NLK: variants seen among roughly 807,000 people sequenced by gnomAD.
The protein encoded by NLK is serine/threonine-protein kinase NLK.
NLK carries 11 observed loss-of-function variants against 59.0 expected under a neutral mutation model. The ratio of observed to expected loss-of-function variants is 0.19; its 90% CI spans 0.12 to 0.31. The LOEUF is 0.31. Ranked by LOEUF, NLK falls within the 10% of genes least tolerant of loss-of-function variation. The probability of loss-of-function intolerance (pLI) is 1.00; values close to 1 mark genes in which losing one functional copy is unlikely to be tolerated. For missense variants in NLK, 410 were observed against 661.1 expected (o/e 0.62, Z 4.16); for synonymous variants, 235 against 235.9 (o/e 1.00, Z 0.03).
At chr17:28,154,573 T>C (rs1415606711) in intron 3 of NLK, among the ~76,000 whole-genome samples, 1 of 152,156 alleles carries the variant, frequency 6.6e-6, no homozygotes, top group African/African-American at 2.4e-5. Flanking sequence ...TCCTGACATA[T>C]TATGTAAAAT....
At chr17:28,097,661 A>T (rs1256388245) in intron 1 of NLK, among the ~76,000 whole-genome samples, 2 of 152,120 alleles carry the variant, frequency 1.3e-5, no homozygotes, top group African/African-American at 4.8e-5. Context: ...GTTTGAAATT[A>T]CCTATAGTTG....
At chr17:28,146,360 C>T (rs1597708796) in intron 3 of NLK, among the ~76,000 whole-genome samples, 2 of 148,724 alleles carry the variant, frequency 1.3e-5, no homozygotes, top group South Asian at 4.4e-4. Context: ...ACTCATTTCC[C>T]CTCCTCCCTC....
rs558682003 is a variant in NLK at position 28,047,414 on chromosome 17, C to G, written c.458+4083C>G. On this transcript the variant is annotated intron_variant, in intron 1 of 10. Transcript: ENST00000407008. ...AATTTAAAGCCAAGGGGAAAATACT[C>G]TGTGCTGTCCTGTCAACTAATTAAA... 3.3e-5 allele frequency among the ~76,000 whole-genome samples: 5 copies of G among 152,318 alleles called. No homozygotes were observed. The East Asian group carries it at 9.6e-4, about 29-fold the overall frequency.
chr17:28,072,018 A>G (rs942137211), intron 1 of NLK, among the ~76,000 whole-genome samples: 1 of 152,038 alleles, frequency 6.6e-6, no homozygotes, highest in African/African-American at 2.4e-5. Flanking sequence ...CAACTAACCA[A>G]CCAACCACCC....
intron 1 of NLK, among the ~76,000 whole-genome samples, chr17:28,088,034 A>C (rs1444187838): frequency 2.0e-5 from 3 of 152,190 alleles, no homozygotes; most frequent in African/African-American, 7.2e-5. Context: ...TTGGAATTTA[A>C]TTTTGAGGAA....
chr17:28,113,104 G>A lies in NLK; in HGVS notation c.459-9499G>A, dbSNP rs898838431. Reference sequence around the variant, plus strand: ...AGGTTTAAGCTAAAATTTTTTGTGTGCTAGAAAATTAAGCTGGGCAGTTTG... The same window carrying A: ...AGGTTTAAGCTAAAATTTTTTGTGTACTAGAAAATTAAGCTGGGCAGTTTG... On this transcript the variant is annotated intron_variant, in intron 1 of 10. Transcript: ENST00000407008. Among the ~76,000 whole-genome samples, 27 of 152,134 alleles carry A rather than the reference G, an allele frequency of 1.8e-4. 1 individual carries two copies.
intron 7 of NLK, among the ~76,000 whole-genome samples, chr17:28,182,284 T>TTGG (rs1258533588): frequency 6.6e-6 from 1 of 152,174 alleles, no homozygotes; most frequent in Non-Finnish European, 1.5e-5. Context: ...TGTTGTTTGT[T>TTGG]TGGTTTTTTT....
At chr17:28,165,668 G>A (rs1908194435) in intron 5 of NLK, among the ~76,000 whole-genome samples, 2 of 152,054 alleles carry the variant, frequency 1.3e-5, no homozygotes, top group Admixed American at 6.6e-5. Context: ...AATTTTTTTA[G>A]TTATCTGATC....
intron 1 of NLK, among the ~76,000 whole-genome samples, chr17:28,079,825 C>G (rs1389162869): frequency 6.6e-6 from 1 of 152,128 alleles, no homozygotes; most frequent in Admixed American, 6.6e-5. Context: ...GTTTTTGAGT[C>G]CTGTTCATCT....
intron 3 of NLK, 94 bp from the exon 4 acceptor site, chr17:28,161,066 C>T: frequency 1.5e-6 from 1 of 686,626 alleles, no homozygotes; most frequent in South Asian, 1.7e-5. Flanking sequence ...ACTTTTCCAG[C>T]CTTGAGAATG....
rs1304674206 is a variant in NLK at position 28,111,877 on chromosome 17, TGTGTGTGTGTGTGTGTGTG to T, written c.459-10706_459-10688del. On this transcript the variant is annotated intron_variant, in intron 1 of 10. Transcript: ENST00000407008. ...GGCTTATACCGTGTGTGTGTGTGTG[TGTGTGTGTGTGTGTGTGTG>T]GTGTGTGTGTGTGTGTGTGTGTGTG... 7.2e-5 allele frequency among the ~76,000 whole-genome samples: 9 copies of T among 125,600 alleles called. No individual in the cohort carries two copies. The East Asian group carries it at 7.3e-4, about 10-fold the overall frequency. The allele number at this position is 125,600 out of a possible 152,430, so 82.4% of individuals were successfully genotyped here. A position where few individuals can be genotyped will look rare whatever the true frequency, so the allele number is the denominator to read the frequency against.
intron 1 of NLK, among the ~76,000 whole-genome samples, chr17:28,097,110 T>C (rs971099429): frequency 2.6e-5 from 4 of 152,212 alleles, no homozygotes; most frequent in African/African-American, 9.6e-5. Context: ...TGCTTATATT[T>C]CAGTTTTGTT....
chr17:28,048,520 G>A (rs373146264), intron 1 of NLK: 1 of 152,080 alleles, frequency 6.6e-6, no homozygotes, highest in East Asian at 1.9e-4. Flanking sequence ...AGAAATGGGG[G>A]CAGATATAGC....
At chr17:28,111,903 GTGTGTGT>G (rs1905529978) in intron 1 of NLK, among the ~76,000 whole-genome samples, 1 of 89,338 alleles carries the variant, frequency 1.1e-5, no homozygotes, top group African/African-American at 4.4e-5. Flanking sequence ...TGTGGTGTGT[GTGTGTGT>G]GTGTGTGTGT....
chr17:28,088,898 A>C (rs867824203), intron 1 of NLK, among the ~76,000 whole-genome samples: 5 of 152,302 alleles, frequency 3.3e-5, no homozygotes, highest in Middle Eastern at 3.4e-3. Flanking sequence ...TCATACTGAT[A>C]CTTCAAATTC....
At chr17:28,049,392 T>G (rs1909169752) in intron 1 of NLK, among the ~76,000 whole-genome samples, 1 of 152,238 alleles carries the variant, frequency 6.6e-6, no homozygotes, top group Non-Finnish European at 1.5e-5. Flanking sequence ...CCTTTGGAAC[T>G]CACTAGTCTA....
At chr17:28,154,380 A>G (rs1482637884) in intron 3 of NLK, among the ~76,000 whole-genome samples, 1 of 152,222 alleles carries the variant, frequency 6.6e-6, no homozygotes, top group Non-Finnish European at 1.5e-5. Context: ...AGCCTGACCT[A>G]TTCATCCTAA....
At chr17:28,133,388 C>G (rs1375798186) in intron 3 of NLK, among the ~76,000 whole-genome samples, 1 of 152,140 alleles carries the variant, frequency 6.6e-6, no homozygotes, top group Non-Finnish European at 1.5e-5. Flanking sequence ...TTGCTTTCAG[C>G]CCTTACCTAT....
Position 28,085,987 on chromosome 17 carries a change from T to C in NLK, c.459-36616T>C, listed in dbSNP as rs113001753. Among the ~76,000 whole-genome samples, 1,260 of 152,298 alleles carry C rather than the reference T, an allele frequency of 8.3e-3. 19 individuals are homozygous for C. Among genetic ancestry groups the C allele is most frequent in the African/African-American group, 0.029 (1,191 of 41,548 alleles). On this transcript the variant is annotated intron_variant, in intron 1 of 10. Coordinates refer to ENST00000407008, the MANE Select transcript of NLK (RefSeq NM_016231.5). ...ACACTCTATGACATCTATGACATCA[T>C]ATGACAAAAATCACCTAATGACGCA...
Sources: allele counts gnomAD v4.1 joint callset (sites outside exome capture counted in the v4.1 genomes callset), GRCh38; gene constraint gnomAD v4.1.1; transcripts MANE v1.5; gene names NCBI Gene and HGNC (gene_info 2026-07-23, HGNC 2026-07-21).